ELL: variants seen among roughly 807,000 people sequenced by gnomAD.
ELL encodes RNA polymerase II elongation factor ELL.
In ELL, 18 loss-of-function variants were observed where a neutral mutation model predicts 64.0. That is an observed-to-expected ratio of 0.28 (90% CI 0.19 to 0.42). ELL has a LOEUF of 0.42. ELL is among the 10% of genes least tolerant of loss of function. The pLI is 1.00. For missense variants in ELL, 797 were observed against 870.4 expected (o/e 0.92, Z 1.06); for synonymous variants, 399 against 376.2 (o/e 1.06, Z -0.70).
At chr19:18,453,533 C>T (rs746494400) in intron 6 of ELL, among the ~76,000 whole-genome samples, 2 of 152,096 alleles carry the variant, frequency 1.3e-5, no homozygotes, top group South Asian at 4.1e-4. Flanking sequence ...AAACAAACAA[C>T]GAGATACCAC....
At position 18,443,573 on chromosome 19, in the gene ELL, G is replaced by A. The variant is rs1356982973; in HGVS notation, c.*1179C>T. 8 of 233,316 alleles carry A rather than the reference G, an allele frequency of 3.4e-5. No individual in the cohort carries two copies. The East Asian group carries it at 4.8e-4, about 14-fold the overall frequency. 14.5% of individuals were successfully genotyped at this position (233,316 alleles called of 1,614,324 possible). ...CCTCAGACCCCACCATGCCCTGGGGGGTCCCCACATACGCACACTCACACA... is the reference window on the plus strand; with the variant it reads ...CCTCAGACCCCACCATGCCCTGGGGAGTCCCCACATACGCACACTCACACA... On this transcript the variant is annotated 3_prime_UTR_variant, in exon 12 of 12. Transcript: ENST00000262809.
intron 1 of ELL, among the ~76,000 whole-genome samples, chr19:18,515,686 C>T (rs1378358036): frequency 6.6e-6 from 1 of 152,216 alleles, no homozygotes; most frequent in African/African-American, 2.4e-5. Flanking sequence ...TCTGCTCAGT[C>T]ACTCACGTCA....
chr19:18,481,685 T>C (rs1975301732), intron 1 of ELL, among the ~76,000 whole-genome samples: 1 of 152,246 alleles, frequency 6.6e-6, no homozygotes, highest in Admixed American at 6.5e-5. Flanking sequence ...CTACTCAGCA[T>C]GACGCCTTTG....
chr19:18,475,577 C>T (rs1036646833), intron 1 of ELL, among the ~76,000 whole-genome samples: 2 of 152,182 alleles, frequency 1.3e-5, no homozygotes, highest in East Asian at 1.9e-4. Flanking sequence ...ATCCAAAAAG[C>T]GGCAGTAGCC....
intron 1 of ELL, among the ~76,000 whole-genome samples, chr19:18,473,771 T>C (rs1048458675): frequency 6.6e-6 from 1 of 152,232 alleles, no homozygotes; most frequent in Admixed American, 6.5e-5. Flanking sequence ...AGCATAGCCC[T>C]GGCTGATCAC....
At chr19:18,500,637 A>G (rs909423249) in intron 1 of ELL, among the ~76,000 whole-genome samples, 1 of 152,208 alleles carries the variant, frequency 6.6e-6, no homozygotes, top group Non-Finnish European at 1.5e-5. Context: ...GAAGGTCGGC[A>G]TAACACTGGT....
intron 2 of ELL, among the ~76,000 whole-genome samples, chr19:18,469,593 C>G (rs1391733749): frequency 1.3e-5 from 2 of 152,214 alleles, no homozygotes; most frequent in Non-Finnish European, 2.9e-5. Context: ...CTGGGTATGT[C>G]TGAGGTCAGT....
At chr19:18,450,392 A>G in intron 8 of ELL, 85 bp downstream of exon 8, 1 of 1,541,352 alleles carries the variant, frequency 6.5e-7, no homozygotes, top group Admixed American at 1.9e-5. Flanking sequence ...CTACAGCTTG[A>G]GCCCCCTCGA....
Position 18,501,135 on chromosome 19 carries a change from A to G in ELL, c.135+20786T>C, listed in dbSNP as rs1975772198. Among the ~76,000 whole-genome samples the G allele has an allele frequency of 6.6e-6, 1 of 152,096 alleles. No homozygotes were observed. Among genetic ancestry groups the G allele is most frequent in the Admixed American group, 6.6e-5 (1 of 15,262 alleles). ...GGCCACGACACTGTTCTCGCCAGCTATGCCTGTGGGCAGCAAGCAGCACAC... is the reference window on the plus strand; with the variant it reads ...GGCCACGACACTGTTCTCGCCAGCTGTGCCTGTGGGCAGCAAGCAGCACAC... On this transcript the variant is annotated intron_variant, in intron 1 of 11. Coordinates refer to ENST00000262809, the MANE Select transcript of ELL (RefSeq NM_006532.4). This position sits in a 1 kb window ranked among gnomAD's most constrained non-coding sequence, Gnocchi z 4.5.
chr19:18,451,668 C>A lies in ELL; in HGVS notation c.870-20G>T. 1 of 1,485,182 alleles carries A rather than the reference C, an allele frequency of 6.7e-7. No individual in the cohort carries two copies. Among genetic ancestry groups the A allele is most frequent in the Non-Finnish European group, 8.9e-7 (1 of 1,126,256 alleles). The allele number at this position is 1,485,182 out of a possible 1,614,324, so 92.0% of individuals were successfully genotyped here. A position where few individuals can be genotyped will look rare whatever the true frequency, so the allele number is the denominator to read the frequency against. On this transcript the variant is annotated intron_variant, in intron 6 of 11. Coordinates refer to ENST00000262809, the MANE Select transcript of ELL (RefSeq NM_006532.4). ...AGCTTCCTGCGAAGGAGAGGCAGGG[C>A]TAGGTCAGAAGGTGCTGAGGGGGCC...
rs1416549478 is a variant in ELL at position 18,454,670 on chromosome 19, G to A, written c.870-3022C>T. 2.4e-4 allele frequency among the ~76,000 whole-genome samples: 36 copies of A among 147,586 alleles called. No individual in the cohort carries two copies. In the Admixed American group the frequency reaches 2.4e-3, roughly 10 times the overall value. On this transcript the variant is annotated intron_variant, in intron 6 of 11. Coordinates refer to ENST00000262809, the MANE Select transcript of ELL (RefSeq NM_006532.4). ...AGCCTGGCCTGCATGGTGAAACCCTGTCTCTACTTAAAAATACAAAATTAG... is the reference window on the plus strand; with the variant it reads ...AGCCTGGCCTGCATGGTGAAACCCTATCTCTACTTAAAAATACAAAATTAG...
At chr19:18,491,471 C>T (rs1486604000) in intron 1 of ELL, among the ~76,000 whole-genome samples, 1 of 151,982 alleles carries the variant, frequency 6.6e-6, no homozygotes, top group Non-Finnish European at 1.5e-5. Flanking sequence ...GGGCCTCGTC[C>T]AATCAGTCGA....
intron 1 of ELL, among the ~76,000 whole-genome samples, chr19:18,498,502 C>T (rs1044330728): frequency 6.6e-6 from 1 of 152,212 alleles, no homozygotes; most frequent in Non-Finnish European, 1.5e-5. Context: ...ATCCAAACTC[C>T]TGGATTTCTA....
rs990717995 is a variant in ELL at position 18,444,458 on chromosome 19, G to C, written c.*294C>G. On this transcript the variant is annotated 3_prime_UTR_variant, in exon 12 of 12. Transcript: ENST00000262809. ...AAAAGGCAGGCGCGCCACCCCAAGG[G>C]CCTAGGAGTCTTCTGGCGAGACAGG... 1.0e-5 allele frequency: 4 copies of C among 388,160 alleles called. No homozygotes were observed. The highest frequency in any genetic ancestry group is 1.9e-5 in the Non-Finnish European group (4 of 214,474). 24.0% of individuals were successfully genotyped at this position (388,160 alleles called of 1,614,324 possible).
intron 4 of ELL, 127 bp from the exon 5 acceptor site, chr19:18,461,979 C>T (rs995240567): frequency 2.5e-6 from 3 of 1,221,112 alleles, no homozygotes; most frequent in Non-Finnish European, 3.4e-6. Context: ...ACACCAACCA[C>T]AGCAAAAGCC....
intron 2 of ELL, among the ~76,000 whole-genome samples, 191 bp from the exon 3 acceptor site, chr19:18,466,109 T>C (rs1368737072): frequency 6.6e-6 from 1 of 152,114 alleles, no homozygotes; most frequent in Non-Finnish European, 1.5e-5. Flanking sequence ...ACACACTGCG[T>C]AGAGAGGGGA....
chr19:18,458,425 G>A (rs1974729418), intron 5 of ELL, 96 bp from the exon 6 acceptor site: 6 of 1,517,698 alleles, frequency 4.0e-6, no homozygotes, highest in Non-Finnish European at 1.8e-6. Context: ...AGGGTGTGCA[G>A]AGACAGTGGG....
intron 4 of ELL, among the ~76,000 whole-genome samples, chr19:18,462,179 AGTGTGT>A (rs758119031): frequency 3.3e-4 from 40 of 120,112 alleles, no homozygotes; most frequent in South Asian, 1.8e-3. Context: ...TCTGGTGGGC[AGTGTGT>A]GTGTGTGTGT....
chr19:18,500,955 AACTCCACAGAGTTGACTCTGTG>A lies in ELL; in HGVS notation c.135+20944_135+20965del, dbSNP rs560953037. On this transcript the variant is annotated intron_variant, in intron 1 of 11. Coordinates refer to ENST00000262809, the MANE Select transcript of ELL (RefSeq NM_006532.4). ...CACATGGCGGCTGCTCGCCAAATTC[AACTCCACAGAGTTGACTCTGTG>A]ACTCCACAGAGCAGAACCTGCAGGG... 3.4e-3 allele frequency among the ~76,000 whole-genome samples: 516 copies of A among 152,236 alleles called. 1 individual carries two copies. Among genetic ancestry groups the A allele is most frequent in the Non-Finnish European group, 3.7e-3 (249 of 68,014 alleles).
Sources: gnomAD v4.1 joint callset for allele counts (sites outside exome capture counted in the v4.1 genomes callset) on GRCh38, gnomAD v4.1.1 for gene constraint, Gnocchi (gnomAD v3.1) non-coding constraint, MANE v1.5 for transcripts, NCBI Gene and HGNC (gene_info 2026-07-23, HGNC 2026-07-21) for gene names.